ADGRB3: variants seen among roughly 807,000 people sequenced by gnomAD.
ADGRB3 encodes the protein brain-specific angiogenesis inhibitor 3.
A neutral mutation model predicts 193.4 loss-of-function variants in ADGRB3; 37 were observed. The ratio of observed to expected loss-of-function variants is 0.19; its 90% CI spans 0.15 to 0.25. The LOEUF (loss-of-function observed/expected upper bound fraction) is 0.25. Among genes scored for constraint, ADGRB3 ranks in the 10% least tolerant of loss-of-function variants. The pLI, the probability that ADGRB3 is intolerant of heterozygous loss-of-function variation, is 1.00. For synonymous variants in ADGRB3, 690 were observed against 644.2 expected, an observed-to-expected ratio of 1.07 and a Z score of -1.08; for missense variants, 1,637 against 1,852.9, an observed-to-expected ratio of 0.88 and a Z score of 2.14.
At chr6:68,883,163 T>C (rs62416398) in intron 3 of ADGRB3, among the ~76,000 whole-genome samples, 14,237 of 152,084 alleles carry the variant, frequency 0.094, 880 homozygotes, top group Non-Finnish European at 0.13. Context: ...TATCTCAAGG[T>C]TTGTAAAGGC....
intron 3 of ADGRB3, among the ~76,000 whole-genome samples, chr6:68,825,015 C>T (rs1767816570): frequency 6.6e-6 from 1 of 151,796 alleles, no homozygotes; most frequent in Non-Finnish European, 1.5e-5. Context: ...CCACCACATC[C>T]GGCTAATTTT....
chr6:68,951,540 C>T (rs918061841), intron 6 of ADGRB3, among the ~76,000 whole-genome samples: 2 of 152,114 alleles, frequency 1.3e-5, no homozygotes, highest in African/African-American at 2.4e-5. Context: ...TCCCCCGTGG[C>T]GCAGTTGAGC....
intron 3 of ADGRB3, among the ~76,000 whole-genome samples, chr6:68,789,480 G>C (rs1378917542): frequency 1.3e-5 from 2 of 152,148 alleles, no homozygotes; most frequent in Admixed American, 1.3e-4. Context: ...TTGAATATTG[G>C]TCCCCACACT....
intron 3 of ADGRB3, among the ~76,000 whole-genome samples, chr6:68,848,519 A>C (rs1364724081): frequency 6.6e-6 from 1 of 152,078 alleles, no homozygotes; most frequent in Non-Finnish European, 1.5e-5. Context: ...ATGATTCTGC[A>C]TTAATCTAAC....
At chr6:69,221,230 G>T (rs540843679) in intron 17 of ADGRB3, among the ~76,000 whole-genome samples, 64 of 152,128 alleles carry the variant, frequency 4.2e-4, no homozygotes, top group African/African-American at 1.5e-3. Flanking sequence ...CTACCCATAC[G>T]TTCATAAAAG....
intron 17 of ADGRB3, among the ~76,000 whole-genome samples, chr6:69,207,542 G>T (rs990078859): frequency 2.0e-5 from 3 of 152,178 alleles, no homozygotes; most frequent in African/African-American, 7.2e-5. Context: ...GGTAGAAGGT[G>T]CCTGAATTTT....
chr6:68,704,844 G>A (rs1335239412), intron 3 of ADGRB3, among the ~76,000 whole-genome samples: 1 of 152,134 alleles, frequency 6.6e-6, no homozygotes, highest in Non-Finnish European at 1.5e-5. Flanking sequence ...GAAACAAACA[G>A]TCTTTGAAAG....
Position 68,830,247 on chromosome 6 carries a change from T to G in ADGRB3, c.758-100312T>G, listed in dbSNP as rs186233298. ...TATCAGATCTGGAAATATCTTGCCT[T>G]TTACTGTCACATGGACAATAAAATG... On this transcript the variant is annotated intron_variant, in intron 3 of 31. Coordinates refer to ENST00000370598, the MANE Select transcript of ADGRB3 (RefSeq NM_001704.3). 5.3e-5 allele frequency among the ~76,000 whole-genome samples: 8 copies of G among 152,282 alleles called. No individual in the cohort carries two copies. In the East Asian group the frequency reaches 1.5e-3, roughly 29 times the overall value.
At chr6:69,223,455 T>A (rs1174393172) in intron 17 of ADGRB3, among the ~76,000 whole-genome samples, 1 of 152,104 alleles carries the variant, frequency 6.6e-6, no homozygotes, top group East Asian at 1.9e-4. Context: ...CTTGCAGGAA[T>A]GTGCTCAGAT....
intron 11 of ADGRB3, among the ~76,000 whole-genome samples, chr6:69,012,538 A>C (rs1033699525): frequency 3.3e-5 from 5 of 152,080 alleles, no homozygotes; most frequent in African/African-American, 1.2e-4. Flanking sequence ...TCAAGCAGGA[A>C]ATTTTAAGTG....
rs992405855 is a variant in ADGRB3, at chr6:68,667,991, C to A, written c.757+28559C>A. ...CAGAACATCCTGGGGATCAGAACCA[C>A]CGAGCCAAGCCACATAACCTTGTGA... On this transcript the variant is annotated intron_variant, in intron 3 of 31. Coordinates refer to ENST00000370598, the MANE Select transcript of ADGRB3 (RefSeq NM_001704.3). Among the ~76,000 whole-genome samples, 6 of 151,828 alleles carry A rather than the reference C, an allele frequency of 4.0e-5. No individual in the cohort carries two copies. The East Asian group carries it at 1.2e-3, about 29-fold the overall frequency.
chr6:69,283,603 T>C lies in ADGRB3; in HGVS notation c.2815-41269T>C, dbSNP rs550321961. On this transcript the variant is annotated intron_variant, in intron 20 of 31. Coordinates refer to ENST00000370598, the MANE Select transcript of ADGRB3 (RefSeq NM_001704.3). ...CTGATCTCTCCATACCTCAGTTTTT[T>C]CCTCTCATGAAAAAAGCTTAGCACA... Among the ~76,000 whole-genome samples the C allele has an allele frequency of 1.8e-4, 27 of 151,912 alleles. No homozygotes were observed. In the South Asian group the frequency reaches 5.6e-3, roughly 32 times the overall value.
chr6:69,353,889 C>A (rs140067032), intron 26 of ADGRB3, among the ~76,000 whole-genome samples: 1 of 152,098 alleles, frequency 6.6e-6, no homozygotes, highest in Non-Finnish European at 1.5e-5. Context: ...CATGGAGAAA[C>A]CCCATCTCTA....
intron 17 of ADGRB3, among the ~76,000 whole-genome samples, chr6:69,217,538 G>A (rs561876204): frequency 1.6e-4 from 24 of 152,222 alleles, no homozygotes; most frequent in East Asian, 3.9e-4. Flanking sequence ...GTAAGGCTGC[G>A]TGATATAGCA....
At chr6:69,290,578 A>G (rs927704380) in intron 20 of ADGRB3, among the ~76,000 whole-genome samples, 7 of 152,208 alleles carry the variant, frequency 4.6e-5, no homozygotes, top group African/African-American at 9.6e-5. Flanking sequence ...ATTTGTCAGT[A>G]TATGACTAAG....
intron 20 of ADGRB3, among the ~76,000 whole-genome samples, chr6:69,315,174 A>C (rs2127302240): frequency 6.6e-6 from 1 of 151,720 alleles, no homozygotes; most frequent in South Asian, 2.1e-4. Flanking sequence ...AATTAATATT[A>C]GAAAATGAGA....
chr6:68,927,863 A>C (rs1054045546), intron 3 of ADGRB3, among the ~76,000 whole-genome samples: 1 of 152,150 alleles, frequency 6.6e-6, no homozygotes, highest in Non-Finnish European at 1.5e-5. Context: ...CAGATACATT[A>C]TATTGTTGTA....
intron 3 of ADGRB3, among the ~76,000 whole-genome samples, chr6:68,762,107 G>T (rs182292637): frequency 6.6e-6 from 1 of 152,192 alleles, no homozygotes; most frequent in African/African-American, 2.4e-5. Flanking sequence ...TACAAATATT[G>T]TTTCTTTCCA....
intron 23 of ADGRB3, 140 bp from the exon 24 acceptor site, chr6:69,332,783 T>A (rs888141604): frequency 3.8e-5 from 55 of 1,433,742 alleles, no homozygotes; most frequent in Non-Finnish European, 4.9e-5. Context: ...CTCTGCTCAC[T>A]TATAAAATGT....
Sources: allele counts gnomAD v4.1 joint callset (sites outside exome capture counted in the v4.1 genomes callset), GRCh38; gene constraint gnomAD v4.1.1; transcripts MANE v1.5; gene names NCBI Gene and HGNC (gene_info 2026-07-23, HGNC 2026-07-21).